The following F2RL2 variants were observed in gnomAD, a reference collection of about 807,000 sequenced individuals.
F2RL2 encodes the protein coagulation factor II thrombin receptor like 2, also known as proteinase-activated receptor 3.
Under a neutral mutation model 4.3 loss-of-function variants are expected in F2RL2, and 4 were observed. The observed-to-expected ratio is 0.93, with a 90% confidence interval of 0.46 to 2.12. The LOEUF is 2.12. F2RL2 is among the 30% of genes most tolerant of loss of function. The pLI, the probability that F2RL2 is intolerant of heterozygous loss-of-function variation, is 0.02. For missense variants in F2RL2, 408 were observed against 449.3 expected, an observed-to-expected ratio of 0.91 and a Z score of 0.83; for synonymous variants, 166 against 170.9, an observed-to-expected ratio of 0.97 and a Z score of 0.22.
intron 1 of F2RL2, among the ~76,000 whole-genome samples, chr5:76,620,989 A>G (rs914625531): frequency 1.8e-4 from 28 of 152,206 alleles, no homozygotes; most frequent in African/African-American, 6.8e-4. Flanking sequence ...CATGTATAGA[A>G]AATAGATTCT....
At position 76,617,223 on chromosome 5, in the gene F2RL2, T is replaced by A. The variant is rs1749063457; in HGVS notation, c.*359A>T. 3 of 174,484 alleles carry A rather than the reference T, an allele frequency of 1.7e-5. No homozygotes were observed. The highest frequency in any genetic ancestry group is 1.6e-4 in the Admixed American group (3 of 18,330). 10.8% of individuals were successfully genotyped at this position (174,484 alleles called of 1,614,324 possible). ...ACTTTGGGAGGCTGAGGCCGGAAGA[T>A]CACTTGAGGTCAGGAGTTCAAGACC... On this transcript the variant is annotated 3_prime_UTR_variant, in exon 2 of 2. Transcript: ENST00000296641.
At chr5:76,619,555 C>A (rs533565423) in intron 1 of F2RL2, among the ~76,000 whole-genome samples, 1 of 139,726 alleles carries the variant, frequency 7.2e-6, no homozygotes. Context: ...CTCACTCTGT[C>A]GCCCAGGCTG....
chr5:76,617,677 A>G lies in F2RL2; in HGVS notation c.1030T>C (p.Leu344=). ...CAACTATTAAGACTACCCAGGCACA[A>G]AGCTATGAGATATATAAAATATAAG... ...DGLYFIYLIA[L]CLGSLNSCLD... is the part of the protein sequence containing the mutation. The change falls in exon 2 of 2, where the codon TTG becomes CTG. Residue 344 remains leucine, a synonymous_variant. Transcript: ENST00000296641. 6.2e-7 allele frequency: 1 copy of G among 1,614,124 alleles called. No homozygotes were observed. The highest frequency in any genetic ancestry group is 8.5e-7 in the Non-Finnish European group (1 of 1,180,004).
At chr5:76,620,981 T>G (rs1214851306) in intron 1 of F2RL2, among the ~76,000 whole-genome samples, 1 of 152,230 alleles carries the variant, frequency 6.6e-6, no homozygotes, top group Non-Finnish European at 1.5e-5. Context: ...CCCTTTCACA[T>G]GTATAGAAAA....
At chr5:76,619,134 T>G (rs1038141934) in intron 1 of F2RL2, among the ~76,000 whole-genome samples, 2 of 152,234 alleles carry the variant, frequency 1.3e-5, no homozygotes. Flanking sequence ...TAAGTTGATT[T>G]AGCAAATTTT....
rs2069704 is a variant in F2RL2, at chr5:76,616,615, G to A, written c.*967C>T. Reference sequence around the variant, plus strand: ...GCCTGTAGTCCCAGCACTTTGGGAGGCTGAGATAGGAAGATCACTCGAGAC... The same window carrying A: ...GCCTGTAGTCCCAGCACTTTGGGAGACTGAGATAGGAAGATCACTCGAGAC... On this transcript the variant is annotated 3_prime_UTR_variant, in exon 2 of 2. Coordinates refer to ENST00000296641, the MANE Select transcript of F2RL2 (RefSeq NM_004101.4). 1,966 of 152,828 alleles carry A rather than the reference G, an allele frequency of 0.013. 33 individuals carry two copies. The highest frequency in any genetic ancestry group is 0.087 in the East Asian group (450 of 5,196). The allele number at this position is 152,828 out of a possible 1,614,324, so 9.5% of individuals were successfully genotyped here. A position where few individuals can be genotyped will look rare whatever the true frequency, so the allele number is the denominator to read the frequency against.
rs568289198 is a variant in F2RL2 at position 76,620,156 on chromosome 5, C to T, written c.65-1514G>A. On this transcript the variant is annotated intron_variant, in intron 1 of 1. Transcript: ENST00000296641. The stretch of plus-strand genomic sequence containing the variant: ...GATTTGATATAGCAGCAGTAGGAAA[C>T]GAATATAGCCGTTATTTTGACTTGT... Among the ~76,000 whole-genome samples, 24 of 152,200 alleles carry T rather than the reference C, an allele frequency of 1.6e-4. No individual in the cohort carries two copies. The South Asian group carries it at 2.9e-3, about 18-fold the overall frequency.
In F2RL2 at chr5:76,623,240, C is replaced by T. The variant is rs1749886132; in HGVS notation, c.-10G>A. 6.2e-7 allele frequency: 1 copy of T among 1,614,110 alleles called. No homozygotes were observed. Among genetic ancestry groups the T allele is most frequent in the African/African-American group, 1.3e-5 (1 of 75,058 alleles). On this transcript the variant is annotated 5_prime_UTR_variant, in exon 1 of 2. Transcript: ENST00000296641. ...AGATGAGGGCTTTCATTTTGATGAC[C>T]TGAGTCCCGTCTCTTAAACGTTATG...
chr5:76,616,147 T>C lies in F2RL2; in HGVS notation c.*1435A>G, dbSNP rs972843575. The C allele has an allele frequency of 1.3e-5, 2 of 152,452 alleles. No individual in the cohort carries two copies. The highest frequency in any genetic ancestry group is 4.8e-5 in the African/African-American group (2 of 41,426). 9.4% of individuals were successfully genotyped at this position (152,452 alleles called of 1,614,324 possible). ...CATGGAATTAAAATTTAAATATAAATGAACTATATATAAATGCCATAATAA... is the reference window on the plus strand; with the variant it reads ...CATGGAATTAAAATTTAAATATAAACGAACTATATATAAATGCCATAATAA... On this transcript the variant is annotated 3_prime_UTR_variant, in exon 2 of 2. Transcript: ENST00000296641.
chr5:76,623,065 G>T, intron 1 of F2RL2, 102 bp downstream of exon 1: 3 of 1,032,356 alleles, frequency 2.9e-6, no homozygotes, highest in Non-Finnish European at 4.5e-6. Context: ...TGCCTTTGGG[G>T]TTTACAGTTT....
Position 76,615,586 on chromosome 5 carries a change from A to C in F2RL2, c.*1996T>G, listed in dbSNP as rs1580614403. The C allele has an allele frequency of 6.6e-6, 1 of 152,220 alleles. No homozygotes were observed. The highest frequency in any genetic ancestry group is 2.1e-4 in the South Asian group (1 of 4,830). 9.4% of individuals were successfully genotyped at this position (152,220 alleles called of 1,614,324 possible). ...GTCATCTCAGGAATCTTTTATGCTT[A>C]AAGTTTCCTCAGCCCCATTTATATT... On this transcript the variant is annotated 3_prime_UTR_variant, in exon 2 of 2. Transcript: ENST00000296641.
rs767241276 is a variant in F2RL2 at position 76,617,741 on chromosome 5, A to T, written c.966T>A (p.Ile322=). Residue 322 remains isoleucine, a synonymous_variant, in exon 2 of 2, where the codon ATT becomes ATA. Transcript: ENST00000296641. ...ICFAPSNIIL[I]IHHANYYYNN... is the part of the protein sequence containing the mutation. ...TGTAGTAGTAGTTAGCATGGTGAAT[A>T]ATAAGAATAATATTGCTTGGAGCAA... is the stretch of plus-strand genomic sequence containing the variant. The T allele has an allele frequency of 6.2e-7, 1 of 1,613,844 alleles. No individual in the cohort carries two copies. The highest frequency in any genetic ancestry group is 1.1e-5 in the South Asian group (1 of 91,074).
rs1207613613 is a variant in F2RL2 at position 76,615,885 on chromosome 5, TG to T, written c.*1696del. ...TCTTAGTTTAGCTTCCTTACTTTTT[TG>T]TATGCCCAACCTGAAATGATGTCAT... is the stretch of plus-strand genomic sequence containing the variant. On this transcript the variant is annotated 3_prime_UTR_variant, in exon 2 of 2. Coordinates refer to ENST00000296641, the MANE Select transcript of F2RL2 (RefSeq NM_004101.4). The T allele has an allele frequency of 1.3e-5, 2 of 152,672 alleles. No homozygotes were observed. Among genetic ancestry groups the T allele is most frequent in the African/African-American group, 4.8e-5 (2 of 41,458 alleles). 9.5% of individuals were successfully genotyped at this position (152,672 alleles called of 1,614,324 possible).
Position 76,618,048 on chromosome 5 carries a change from G to A in F2RL2, c.659C>T (p.Thr220Ile), listed in dbSNP as rs187008237. Residue 220 changes from threonine (T) to isoleucine (I), a missense_variant, in exon 2 of 2, where the codon ACA (threonine) becomes ATA (isoleucine). Thr to Ile is a moderately conservative substitution (Grantham distance 89). Transcript: ENST00000296641. The stretch of plus-strand genomic sequence containing the variant: ...AAATGGCAGCATATATAAGAAAACT[G>A]TTGCCCACACCAGTCCACATGTTAC... ...ALVTCGLVWA[T>I]VFLYMLPFFI... 11 of 1,614,112 alleles carry A rather than the reference G, an allele frequency of 6.8e-6. No individual in the cohort carries two copies. In the Admixed American group the frequency reaches 1.3e-4, roughly 20 times the overall value.
chr5:76,618,679 T>A, intron 1 of F2RL2, 37 bp from the exon 2 acceptor site: 1 of 1,465,834 alleles, frequency 6.8e-7, no homozygotes, highest in East Asian at 2.3e-5. Context: ...AAATGTATAG[T>A]TCAAGAGAAA....
At chr5:76,622,286 G>A (rs1749773798) in intron 1 of F2RL2, among the ~76,000 whole-genome samples, 4 of 152,150 alleles carry the variant, frequency 2.6e-5, no homozygotes, top group Non-Finnish European at 1.5e-5. Flanking sequence ...CCCAGAAAGA[G>A]CGTGCACTTA....
intron 1 of F2RL2, 62 bp downstream of exon 1, chr5:76,623,105 T>G: frequency 6.6e-7 from 1 of 1,511,766 alleles, no homozygotes; most frequent in Non-Finnish European, 9.2e-7. Context: ...CTAGGTTCAG[T>G]TGACTCTTAA....
rs550055000 is a variant in F2RL2, at chr5:76,615,739, T to C, written c.*1843A>G. 10 of 140,096 alleles carry C rather than the reference T, an allele frequency of 7.1e-5. No individual in the cohort carries two copies. The East Asian group carries it at 2.0e-3, about 28-fold the overall frequency. 8.7% of individuals were successfully genotyped at this position (140,096 alleles called of 1,614,324 possible). A position where few individuals can be genotyped will look rare whatever the true frequency, so the allele number is the denominator to read the frequency against. On this transcript the variant is annotated 3_prime_UTR_variant, in exon 2 of 2. Transcript: ENST00000296641. The stretch of plus-strand genomic sequence containing the variant: ...ACTGAGTTAAGGGAAAAATAGTCAT[T>C]TACTTACAGGAATATAATGGGTATT...
At chr5:76,622,521 T>C (rs1351157320) in intron 1 of F2RL2, among the ~76,000 whole-genome samples, 1 of 152,210 alleles carries the variant, frequency 6.6e-6, no homozygotes, top group African/African-American at 2.4e-5. Flanking sequence ...TACAGACCTA[T>C]CCCAAATTTG....
Sources: allele counts gnomAD v4.1 joint callset (sites outside exome capture counted in the v4.1 genomes callset), GRCh38; gene constraint gnomAD v4.1.1; transcripts MANE v1.5; gene names NCBI Gene and HGNC (gene_info 2026-07-23, HGNC 2026-07-21).